The following CHRND variants were observed in gnomAD, a reference collection of about 807,000 sequenced individuals.
CHRND encodes acetylcholine receptor subunit delta.
A neutral mutation model predicts 57.8 loss-of-function variants in CHRND; 40 were observed. The observed-to-expected ratio is 0.69, with a 90% CI of 0.54 to 0.90. The LOEUF is 0.90. Ranked by LOEUF, CHRND falls within the 40% of genes least tolerant of loss-of-function variation. The pLI is 0.00. For missense variants in CHRND, 634 were observed against 673.9 expected (o/e 0.94, Z 0.66); for synonymous variants, 237 against 270.6 (o/e 0.88, Z 1.22).
At chr2:232,534,983 G>A (rs1243129793) in intron 11 of CHRND, 147 bp from the exon 12 acceptor site, 2 of 891,652 alleles carry the variant, frequency 2.2e-6, no homozygotes, top group South Asian at 1.6e-5. Flanking sequence ...CCTTGCTGGG[G>A]ACAAGCCAGC....
At chr2:232,528,099 C>T (rs1481602548) in intron 3 of CHRND, among the ~76,000 whole-genome samples, 163 bp from the exon 4 acceptor site, 1 of 152,216 alleles carries the variant, frequency 6.6e-6, no homozygotes, top group Non-Finnish European at 1.5e-5. Flanking sequence ...GCATCCTGCA[C>T]AGCTGTCCAT....
At chr2:232,527,852 G>A (rs1294808351) in intron 3 of CHRND, among the ~76,000 whole-genome samples, 2 of 152,206 alleles carry the variant, frequency 1.3e-5, no homozygotes, top group Admixed American at 1.3e-4. Flanking sequence ...TGTTCTCCAG[G>A]AGGGGTTGGT....
intron 3 of CHRND, 50 bp downstream of exon 3, chr2:232,527,495 A>G (rs1312825185): frequency 1.4e-6 from 2 of 1,464,760 alleles, no homozygotes; most frequent in East Asian, 4.5e-5. Context: ...CTGTAATCCC[A>G]GCACTTTGGA....
chr2:232,535,230 A>C lies in CHRND; in HGVS notation c.1472A>C (p.Gln491Pro). 2 of 1,614,222 alleles carry C rather than the reference A, an allele frequency of 1.2e-6. No individual in the cohort carries two copies. The highest frequency in any genetic ancestry group is 1.7e-5 in the Admixed American group (1 of 60,032). The change falls in exon 12 of 12, where the codon CAG (glutamine) becomes CCG (proline). Residue 491 changes from glutamine to proline, a missense_variant. Coordinates refer to ENST00000258385, the MANE Select transcript of CHRND (RefSeq NM_000751.3). ...GTGGGCACAGCCTGGATCTTCCTGC[A>C]GGGCGTTTACAACCAGCCACCACCC... ...MVVGTAWIFL[Q>P]GVYNQPPPQP...
At position 232,528,639 on chromosome 2, in the gene CHRND, C is replaced by G; in HGVS notation, c.492C>G (p.Asn164Lys). 1.9e-6 allele frequency: 3 copies of G among 1,614,106 alleles called. No individual in the cohort carries two copies. The highest frequency in any genetic ancestry group is 2.5e-6 in the Non-Finnish European group (3 of 1,180,040). The change falls in exon 5 of 12, where the codon AAC becomes AAG. Residue 164 changes from asparagine (N) to lysine (K), a missense_variant. By Grantham distance (94) the Asn-to-Lys change is moderately conservative. Transcript: ENST00000258385. ...CCTATTTCCCCTTCGACTGGCAGAA[C>G]TGCTCCCTCAAGTTCAGGTGTGCCC... ...SVTYFPFDWQ[N>K]CSLKFSSLKY...
At chr2:232,529,859 C>A in intron 6 of CHRND, 80 bp from the exon 7 acceptor site, 1 of 1,500,460 alleles carries the variant, frequency 6.7e-7, no homozygotes, top group Non-Finnish European at 9.1e-7. Flanking sequence ...TTGCCCTGCC[C>A]AGCCCCTCAT....
chr2:232,531,970 A>AAAAAAAAAAG (rs1391577789), intron 9 of CHRND, among the ~76,000 whole-genome samples: 7 of 135,220 alleles, frequency 5.2e-5, no homozygotes, highest in African/African-American at 1.9e-4. Context: ...AAAAAAAAAA[A>AAAAAAAAAAG]AAAAGAAATG....
At position 232,528,253 on chromosome 2, in the gene CHRND, G is replaced by A. The variant is rs1486518829; in HGVS notation, c.244-9G>A. 1 of 1,613,976 alleles carries A rather than the reference G, an allele frequency of 6.2e-7. No homozygotes were observed. The highest frequency in any genetic ancestry group is 1.7e-5 in the Admixed American group (1 of 60,020). On this transcript the variant is annotated splice_polypyrimidine_tract_variant and intron_variant, in intron 3 of 11. Coordinates refer to ENST00000258385, the MANE Select transcript of CHRND (RefSeq NM_000751.3). ...AGAGTGCACTGGTGACATGCCTTTG[G>A]GATTCCAGGGCTGGACAGACAACCG...
At position 232,535,670 on chromosome 2, in the gene CHRND, G is replaced by T. The variant is rs945483937; in HGVS notation, c.*358G>T. The T allele has an allele frequency of 1.0e-5, 5 of 485,228 alleles. No individual in the cohort carries two copies. Among genetic ancestry groups the T allele is most frequent in the African/African-American group, 9.7e-5 (5 of 51,394 alleles). The allele number at this position is 485,228 out of a possible 1,614,324, so 30.1% of individuals were successfully genotyped here. ...CTGCTTCTCCTCCCCCAAGGTGTGG[G>T]GTAGAGCAGGCAGGAATCTGCGCCT... On this transcript the variant is annotated 3_prime_UTR_variant, in exon 12 of 12. Transcript: ENST00000258385.
Position 232,533,912 on chromosome 2 carries a change from C to A in CHRND, c.1048-19C>A. ...ACAAAAAACAACGCCTTTCTTGTGG[C>A]CCCTTGACATGGCCCCAGCTCTTCC... On this transcript the variant is annotated intron_variant, in intron 9 of 11. Coordinates refer to ENST00000258385, the MANE Select transcript of CHRND (RefSeq NM_000751.3). 6.2e-7 allele frequency: 1 copy of A among 1,610,268 alleles called. No homozygotes were observed. Among genetic ancestry groups the A allele is most frequent in the Non-Finnish European group, 8.5e-7 (1 of 1,179,004 alleles).
At position 232,529,859 on chromosome 2, in the gene CHRND, C is replaced by T. The variant is rs376273071; in HGVS notation, c.620-80C>T. On this transcript the variant is annotated intron_variant, in intron 6 of 11. Coordinates refer to ENST00000258385, the MANE Select transcript of CHRND (RefSeq NM_000751.3). ...CGTCTCTGGACTGGCTTGCCCTGCC[C>T]AGCCCCTCATTCTGTCCCCAGGCCC... is the stretch of plus-strand genomic sequence containing the variant. The T allele has an allele frequency of 1.5e-4, 224 of 1,500,458 alleles. 2 individuals are homozygous for T. The East Asian group carries it at 4.4e-3, about 29-fold the overall frequency. 92.9% of individuals were successfully genotyped at this position (1,500,458 alleles called of 1,614,324 possible).
chr2:232,534,106 A>G lies in CHRND; in HGVS notation c.1223A>G (p.His408Arg). 1.9e-6 allele frequency: 3 copies of G among 1,614,082 alleles called. No homozygotes were observed. The highest frequency in any genetic ancestry group is 2.5e-6 in the Non-Finnish European group (3 of 1,180,030). The change falls in exon 10 of 12, where the codon CAT becomes CGT. Residue 408 changes from histidine to arginine, a missense_variant. Physicochemically the swap from His to Arg is conservative, Grantham distance 29. Transcript: ENST00000258385. Reference protein sequence around the residue: ...DLMFEKQSERHGLARRLTTAR... With the variant: ...DLMFEKQSERRGLARRLTTAR... ...ATGTTCGAGAAGCAGTCAGAGCGGC[A>G]TGGGCTGGCCAGGCGCCTCACCACT...
chr2:232,529,972 C>T lies in CHRND; in HGVS notation c.653C>T (p.Ala218Val), dbSNP rs1378813141. ...NGEWEIVHRP[A>V]RVNVDPRAPL... is the part of the protein sequence containing the mutation. ...GAGTGGGAGATAGTCCACCGGCCGG[C>T]CAGGGTCAACGTGGACCCCAGAGCC... Residue 218 changes from alanine to valine, a missense_variant, in exon 7 of 12, where the codon GCC becomes GTC. Transcript: ENST00000258385. The T allele has an allele frequency of 6.2e-7, 1 of 1,614,008 alleles. No individual in the cohort carries two copies. The highest frequency in any genetic ancestry group is 1.3e-5 in the African/African-American group (1 of 74,920).
intron 2 of CHRND, among the ~76,000 whole-genome samples, chr2:232,526,876 C>A (rs1265036108): frequency 6.6e-6 from 1 of 152,222 alleles, no homozygotes; most frequent in Non-Finnish European, 1.5e-5. Flanking sequence ...CAACCACACC[C>A]ATAGCATGCC....
In CHRND at chr2:232,536,573, AG is replaced by A. The variant is rs1458422505; in HGVS notation, c.*1262del. 1.2e-5 allele frequency: 5 copies of A among 411,564 alleles called. No homozygotes were observed. The highest frequency in any genetic ancestry group is 2.6e-5 in the Admixed American group (1 of 38,606). 25.5% of individuals were successfully genotyped at this position (411,564 alleles called of 1,614,324 possible). ...GACATCTTATGTGCAGCCCCATGAAAGTCCCTAAGCCAGAACCACCAGCTAA... is the reference window on the plus strand; with the variant it reads ...GACATCTTATGTGCAGCCCCATGAAATCCCTAAGCCAGAACCACCAGCTAA... On this transcript the variant is annotated 3_prime_UTR_variant, in exon 12 of 12. Coordinates refer to ENST00000258385, the MANE Select transcript of CHRND (RefSeq NM_000751.3).
intron 9 of CHRND, 77 bp from the exon 10 acceptor site, chr2:232,533,854 T>A: frequency 6.8e-7 from 1 of 1,470,150 alleles, no homozygotes; most frequent in Non-Finnish European, 9.4e-7. Context: ...TCCAGCCTGG[T>A]GACAGAATGA....
chr2:232,532,659 G>A (rs1031945273), intron 9 of CHRND, among the ~76,000 whole-genome samples: 2 of 152,260 alleles, frequency 1.3e-5, no homozygotes, highest in Non-Finnish European at 2.9e-5. Context: ...ACCAGACGCA[G>A]CAGCACATGC....
intron 11 of CHRND, 33 bp from the exon 12 acceptor site, chr2:232,535,097 T>C (rs1691836416): frequency 6.2e-7 from 1 of 1,612,204 alleles, no homozygotes; most frequent in Admixed American, 1.7e-5. Context: ...CCTGAGGCCC[T>C]TCTCACCCCA....
rs376684544 is a variant in CHRND at position 232,528,730 on chromosome 2, C to T, written c.509+74C>T. 71 of 1,606,482 alleles carry T rather than the reference C, an allele frequency of 4.4e-5. No homozygotes were observed. In the East Asian group the frequency reaches 1.6e-3, roughly 35 times the overall value. On this transcript the variant is annotated intron_variant, in intron 5 of 11. Coordinates refer to ENST00000258385, the MANE Select transcript of CHRND (RefSeq NM_000751.3). ...GGCCAAAGAAGGTGACTGAAGCACC[C>T]TCAGACAGAGGCCCCTGCCCTGTCT...
Sources: allele counts gnomAD v4.1 joint callset (sites outside exome capture counted in the v4.1 genomes callset), GRCh38; gene constraint gnomAD v4.1.1; transcripts MANE v1.5; gene names NCBI Gene and HGNC (gene_info 2026-07-23, HGNC 2026-07-21).